NPAS3: variants seen among roughly 807,000 people sequenced by gnomAD.
The protein encoded by NPAS3 is neuronal PAS domain-containing protein 3.
A neutral mutation model predicts 73.1 loss-of-function variants in NPAS3; 14 were observed. The observed-to-expected ratio is 0.19, with a 90% confidence interval of 0.13 to 0.30. The LOEUF (loss-of-function observed/expected upper bound fraction) is 0.30. Ranked by LOEUF, NPAS3 falls within the 10% of genes least tolerant of loss-of-function variation. The pLI, the probability that NPAS3 is intolerant of heterozygous loss-of-function variation, is 1.00. For missense variants in NPAS3, 1,096 were observed against 1,250.0 expected (o/e 0.88, Z 1.86); for synonymous variants, 620 against 541.5 (o/e 1.14, Z -2.01).
At chr14:33,794,803 A>G (rs2138642854) in intron 10 of NPAS3, among the ~76,000 whole-genome samples, 1 of 152,276 alleles carries the variant, frequency 6.6e-6, no homozygotes, top group Middle Eastern at 3.4e-3. Flanking sequence ...AAAGTAACCA[A>G]GACCCACAGA....
At chr14:33,644,170 T>C (rs1019638964) in intron 5 of NPAS3, among the ~76,000 whole-genome samples, 1 of 152,224 alleles carries the variant, frequency 6.6e-6, no homozygotes, top group African/African-American at 2.4e-5. Flanking sequence ...ATTTGCATAA[T>C]TTATTAACAC....
At chr14:33,639,167 T>G (rs1390241005) in intron 5 of NPAS3, among the ~76,000 whole-genome samples, 1 of 152,208 alleles carries the variant, frequency 6.6e-6, no homozygotes, top group African/African-American at 2.4e-5. Flanking sequence ...ATTACCACTC[T>G]AGGTTTAAGA....
At chr14:33,029,811 T>G (rs1430642422) in intron 1 of NPAS3, among the ~76,000 whole-genome samples, 1 of 152,142 alleles carries the variant, frequency 6.6e-6, no homozygotes, top group Non-Finnish European at 1.5e-5. Flanking sequence ...TGCTGCCCAT[T>G]AAGAAAAAGC....
At chr14:33,618,053 T>C (rs1263931174) in intron 5 of NPAS3, among the ~76,000 whole-genome samples, 1 of 152,152 alleles carries the variant, frequency 6.6e-6, no homozygotes, top group Non-Finnish European at 1.5e-5. Flanking sequence ...CTTGGATCAA[T>C]TATATATAAA....
intron 6 of NPAS3, among the ~76,000 whole-genome samples, chr14:33,689,835 A>G (rs921098692): frequency 6.6e-6 from 1 of 152,158 alleles, no homozygotes. Context: ...TCCTAGCTTC[A>G]GCACACCAAG....
intron 4 of NPAS3, among the ~76,000 whole-genome samples, chr14:33,552,246 G>A (rs2055152152): frequency 6.6e-6 from 1 of 152,182 alleles, no homozygotes; most frequent in African/African-American, 2.4e-5. Flanking sequence ...ATATCGAGGT[G>A]TGAAACAACT....
At chr14:33,352,508 C>T (rs2045116450) in intron 3 of NPAS3, among the ~76,000 whole-genome samples, 1 of 152,206 alleles carries the variant, frequency 6.6e-6, no homozygotes, top group African/African-American at 2.4e-5. Context: ...ATTATTATCT[C>T]ACTCTACAGA....
chr14:33,306,171 A>G (rs913271677), intron 3 of NPAS3, among the ~76,000 whole-genome samples: 20 of 151,100 alleles, frequency 1.3e-4, no homozygotes, highest in Non-Finnish European at 7.4e-5. Context: ...CATGAAAATT[A>G]ATATTCTTAA....
At chr14:33,596,079 G>T (rs1022610420) in intron 5 of NPAS3, among the ~76,000 whole-genome samples, 2 of 152,144 alleles carry the variant, frequency 1.3e-5, no homozygotes, top group East Asian at 1.9e-4. Flanking sequence ...CTTACTTTTG[G>T]TAAACAAGGA....
At chr14:33,691,485 C>T (rs187533208) in intron 6 of NPAS3, among the ~76,000 whole-genome samples, 8 of 152,132 alleles carry the variant, frequency 5.3e-5, no homozygotes, top group African/African-American at 1.9e-4. Context: ...AATCTGTCAA[C>T]GAATCTGGCT....
chr14:33,347,848 A>G (rs948901241), intron 3 of NPAS3, among the ~76,000 whole-genome samples: 3 of 152,028 alleles, frequency 2.0e-5, no homozygotes, highest in African/African-American at 7.3e-5. Context: ...AAGTCTGTAC[A>G]TGTTTAGTGC....
At position 32,981,989 on chromosome 14, in the gene NPAS3, G is replaced by C. The variant is rs58327485; in HGVS notation, c.50+42623G>C. Among the ~76,000 whole-genome samples, 533 of 152,128 alleles carry C rather than the reference G, an allele frequency of 3.5e-3. 1 individual carries two copies. Among genetic ancestry groups the C allele is most frequent in the African/African-American group, 0.013 (520 of 41,498 alleles). On this transcript the variant is annotated intron_variant, in intron 1 of 11. Coordinates refer to ENST00000356141, the Ensembl canonical transcript of NPAS3. ...TATTTTCTGCTTAATCTTTCAAACT[G>C]TCTGATGAACTCCTCTCTCAAGATA... is the stretch of plus-strand genomic sequence containing the variant.
At chr14:33,471,916 T>C (rs1037753772) in intron 4 of NPAS3, among the ~76,000 whole-genome samples, 1 of 152,184 alleles carries the variant, frequency 6.6e-6, no homozygotes, top group African/African-American at 2.4e-5. Flanking sequence ...GTCAGATCAG[T>C]GGCATTGGAT....
intron 2 of NPAS3, among the ~76,000 whole-genome samples, chr14:33,162,566 C>A (rs1015221308): frequency 2.0e-5 from 3 of 152,128 alleles, no homozygotes; most frequent in Non-Finnish European, 4.4e-5. Context: ...GTTGCTATTT[C>A]CTTTTAAATT....
chr14:33,281,058 C>T (rs527582055), intron 3 of NPAS3, among the ~76,000 whole-genome samples: 7 of 152,312 alleles, frequency 4.6e-5, no homozygotes, highest in Middle Eastern at 3.4e-3. Flanking sequence ...GATAAGAGTT[C>T]ACTTGATGCC....
At chr14:33,031,236 GT>G (rs2039976726) in intron 1 of NPAS3, among the ~76,000 whole-genome samples, 1 of 152,172 alleles carries the variant, frequency 6.6e-6, no homozygotes, top group South Asian at 2.1e-4. Flanking sequence ...AACTTCTCAT[GT>G]TCTGTCACTA....
chr14:33,740,605 C>T (rs1044640780), intron 7 of NPAS3, among the ~76,000 whole-genome samples: 1 of 152,212 alleles, frequency 6.6e-6, no homozygotes, highest in African/African-American at 2.4e-5. Flanking sequence ...ACGATTGTAC[C>T]GTGATCTGGC....
intron 3 of NPAS3, among the ~76,000 whole-genome samples, chr14:33,294,689 G>A (rs779141773): frequency 1.9e-4 from 29 of 152,254 alleles, no homozygotes; most frequent in Non-Finnish European, 3.1e-4. Context: ...ATCACTACCC[G>A]TAAATAATTA....
At chr14:33,215,503 TTTC>T (rs752470798) in intron 3 of NPAS3, 77 bp downstream of exon 3, 112 of 1,501,854 alleles carry the variant, frequency 7.5e-5, no homozygotes, top group Non-Finnish European at 9.6e-5. Flanking sequence ...ACCATCATCC[TTTC>T]TTCTTTTCCT....
Sources: gnomAD v4.1 joint callset for allele counts (sites outside exome capture counted in the v4.1 genomes callset) on GRCh38, gnomAD v4.1.1 for gene constraint, MANE v1.5 for transcripts, NCBI Gene and HGNC (gene_info 2026-07-23, HGNC 2026-07-21) for gene names.